Variants in BRCA2 observed in about 807,000 individuals in gnomAD.
BRCA2 encodes the protein breast cancer type 2 susceptibility protein.
BRCA2 carries 203 observed loss-of-function variants against 276.7 expected under a neutral mutation model. That is an observed-to-expected ratio of 0.73 (90% CI 0.65 to 0.82). The LOEUF (loss-of-function observed/expected upper bound fraction) is 0.82. BRCA2 is among the 40% of genes least tolerant of loss of function. The pLI, the probability that BRCA2 is intolerant of heterozygous loss-of-function variation, is 0.00. For missense variants in BRCA2, 3,920 were observed against 3,915.0 expected (o/e 1.00, Z -0.03); for synonymous variants, 1,289 against 1,338.4 (o/e 0.96, Z 0.81).
chr13:32,339,657 CTT>C lies in BRCA2; in HGVS notation c.5303_5304del (p.Leu1768ArgfsTer5), dbSNP rs80359505. 21 of 1,612,384 alleles carry C rather than the reference CTT, an allele frequency of 1.3e-5. No individual in the cohort carries two copies. Among genetic ancestry groups the C allele is most frequent in the Admixed American group, 8.3e-5 (5 of 59,928 alleles). ...TTCAGGATATCTCTCAAAAAATAAA[CTT>C]GATTCTGGTATTGAGCCAGTATTGA... ...NDSGYLSKNKLDSGIEPVLKN... is the reference protein window; with the variant it reads ...NDSGYLSKNKXDSGIEPVLKN... On this transcript the variant is annotated frameshift_variant, in exon 11 of 27. Coordinates refer to ENST00000380152, the MANE Select transcript of BRCA2 (RefSeq NM_000059.4). LOFTEE classifies it high-confidence loss of function.
intron 13 of BRCA2, among the ~76,000 whole-genome samples, chr13:32,354,595 T>G (rs967920772): frequency 2.0e-5 from 3 of 151,426 alleles, no homozygotes; most frequent in African/African-American, 7.3e-5. Context: ...AGGTAAGGAG[T>G]ACTATGATGG....
In BRCA2 at chr13:32,337,946, A is replaced by C; in HGVS notation, c.3591A>C (p.Lys1197Asn). The C allele has an allele frequency of 6.2e-7, 1 of 1,614,094 alleles. No individual in the cohort carries two copies. The highest frequency in any genetic ancestry group is 8.5e-7 in the Non-Finnish European group (1 of 1,179,960). ...AACGGAAGTTTGCTGGCCTGTTGAA[A>C]AATGACTGTAACAAAAGTGCTTCTG... ...EIKRKFAGLL[K>N]NDCNKSASGY... Residue 1197 changes from lysine to asparagine, a missense_variant, in exon 11 of 27, where the codon AAA (lysine) becomes AAC (asparagine). Physicochemically the swap from Lys to Asn is moderately conservative, Grantham distance 94. Coordinates refer to ENST00000380152, the MANE Select transcript of BRCA2 (RefSeq NM_000059.4).
In BRCA2 at chr13:32,344,662, A is replaced by C. The variant is rs561277613; in HGVS notation, c.6937+9A>C. 6.5e-7 allele frequency: 1 copy of C among 1,529,486 alleles called. No individual in the cohort carries two copies. 94.7% of individuals were successfully genotyped at this position (1,529,486 alleles called of 1,614,324 possible). On this transcript the variant is annotated intron_variant, in intron 12 of 26. Transcript: ENST00000380152. ...AAAAAGCACTCCAGATGGTAAAATT[A>C]GCTTTTTATTTATATCTGTTCTCCC...
chr13:32,330,856 G>C, intron 8 of BRCA2, 63 bp from the exon 9 acceptor site: 1 of 955,112 alleles, frequency 1.0e-6, no homozygotes, highest in African/African-American at 1.6e-5. Context: ...GATAAGGGGG[G>C]ACTACTACTA....
intron 24 of BRCA2, among the ~76,000 whole-genome samples, chr13:32,392,852 T>C (rs1256320703): frequency 6.6e-6 from 1 of 152,170 alleles, no homozygotes; most frequent in Non-Finnish European, 1.5e-5. Context: ...CCAAATTGCA[T>C]TTAGTCATTT....
At chr13:32,331,109 C>T (rs1288900940) in intron 9 of BRCA2, 79 bp downstream of exon 9, 7 of 994,300 alleles carry the variant, frequency 7.0e-6, no homozygotes, top group Non-Finnish European at 9.3e-6. Context: ...TGGAGTCTTG[C>T]TCTGTCACCC....
chr13:32,323,198 G>T (rs2072318686), intron 3 of BRCA2, among the ~76,000 whole-genome samples: 2 of 149,916 alleles, frequency 1.3e-5, no homozygotes, highest in Admixed American at 1.3e-4. Flanking sequence ...TGTCGCCCAG[G>T]CTGGAGTGCA....
chr13:32,390,339 C>T (rs1355795428), intron 24 of BRCA2, among the ~76,000 whole-genome samples: 1 of 152,088 alleles, frequency 6.6e-6, no homozygotes, highest in Non-Finnish European at 1.5e-5. Context: ...TGCTTGTAAT[C>T]CCAGGACTTT....
chr13:32,397,198 A>G (rs1370453392), intron 26 of BRCA2, among the ~76,000 whole-genome samples, 154 bp downstream of exon 26: 1 of 152,216 alleles, frequency 6.6e-6, no homozygotes, highest in African/African-American at 2.4e-5. Flanking sequence ...TTATTTAGAA[A>G]TTTTATTTAT....
At position 32,383,682 on chromosome 13, in the gene BRCA2, G is replaced by A. The variant is rs7337574; in HGVS notation, c.9256+3537G>A. On this transcript the variant is annotated intron_variant, in intron 24 of 26. Coordinates refer to ENST00000380152, the MANE Select transcript of BRCA2 (RefSeq NM_000059.4). ...TTAAATAATTGACCTTGGACACAAT[G>A]CAGAGCAAAGAAGAGACATTAGAAG... 0.22 allele frequency among the ~76,000 whole-genome samples: 32,925 copies of A among 152,000 alleles called. 3,690 individuals carry two copies. The highest frequency in any genetic ancestry group is 0.39 in the East Asian group (2,031 of 5,156).
At chr13:32,331,189 G>A (rs1191518075) in intron 9 of BRCA2, among the ~76,000 whole-genome samples, 159 bp downstream of exon 9, 5 of 151,838 alleles carry the variant, frequency 3.3e-5, no homozygotes, top group African/African-American at 1.2e-4. Context: ...CCAAGTAGCT[G>A]AGATTACAAG....
Position 32,336,448 on chromosome 13 carries a change from T to C in BRCA2, c.2093T>C (p.Leu698Pro). The C allele has an allele frequency of 6.2e-7, 1 of 1,613,910 alleles. No homozygotes were observed. The highest frequency in any genetic ancestry group is 8.5e-7 in the Non-Finnish European group (1 of 1,179,896). ...GAAGCAAAATGTAATAAGGAAAAACTACAGTTATTTATTACCCCAGAAGCT... is the reference window on the plus strand; with the variant it reads ...GAAGCAAAATGTAATAAGGAAAAACCACAGTTATTTATTACCCCAGAAGCT... ...YKEAKCNKEK[L>P]QLFITPEADS... Residue 698 changes from leucine (L) to proline (P), a missense_variant, in exon 11 of 27, where the codon CTA (leucine) becomes CCA (proline). This residue lies in a region of BRCA2 where 3,263 missense variants were observed against 3,156.9 expected (regional missense o/e 1.03). Coordinates refer to ENST00000380152, the MANE Select transcript of BRCA2 (RefSeq NM_000059.4).
chr13:32,376,564 C>T (rs879207588), intron 20 of BRCA2, 106 bp from the exon 21 acceptor site: 1 of 1,218,640 alleles, frequency 8.2e-7, no homozygotes. Flanking sequence ...TATATAGTTT[C>T]TTATCTTTAA....
At chr13:32,341,235 A>AT (rs1051226454) in intron 11 of BRCA2, 39 bp downstream of exon 11, 1 of 1,612,798 alleles carries the variant, frequency 6.2e-7, no homozygotes, top group Non-Finnish European at 8.5e-7. Context: ...GCCAATCACT[A>AT]TTTTTAAAGT....
chr13:32,343,131 G>A (rs1309194457), intron 11 of BRCA2, among the ~76,000 whole-genome samples: 1 of 151,950 alleles, frequency 6.6e-6, no homozygotes, highest in East Asian at 1.9e-4. Flanking sequence ...TGACCAAAAT[G>A]TCATTATGTG....
In BRCA2 at chr13:32,394,850, G is replaced by C. The variant is rs786203511; in HGVS notation, c.9418G>C (p.Ala3140Pro). Residue 3140 changes from alanine to proline, a missense_variant, in exon 25 of 27, where the codon GCT becomes CCT. Transcript: ENST00000380152. ...CAAATCAGGCCTTCTTACTTTATTTGCTGGAGATTTTTCTGTGTTTTCTGC... is the reference window on the plus strand; with the variant it reads ...CAAATCAGGCCTTCTTACTTTATTTCCTGGAGATTTTTCTGTGTTTTCTGC... ...ESKSGLLTLF[A>P]GDFSVFSASP... 6.2e-7 allele frequency: 1 copy of C among 1,614,070 alleles called. No homozygotes were observed. The highest frequency in any genetic ancestry group is 8.5e-7 in the Non-Finnish European group (1 of 1,179,980).
At position 32,379,495 on chromosome 13, in the gene BRCA2, C is replaced by A. The variant is rs80359144; in HGVS notation, c.8933C>A (p.Ser2978Ter). 1.2e-6 allele frequency: 2 copies of A among 1,609,704 alleles called. No homozygotes were observed. The highest frequency in any genetic ancestry group is 1.7e-6 in the Non-Finnish European group (2 of 1,178,944). Residue 2978 changes from serine to a stop codon, truncating the protein, a stop_gained, in exon 22 of 27, where the codon TCA becomes TAA. Coordinates refer to ENST00000380152, the MANE Select transcript of BRCA2 (RefSeq NM_000059.4). LOFTEE classifies it high-confidence loss of function. ...TGGAAGTTGCGTATTGTAAGCTATT[C>A]AAAAAAAGAAAAAGATTCAGGTAAG... is the stretch of plus-strand genomic sequence containing the variant. ...TVWKLRIVSYSKKEKDSVILS... is the reference protein window; with the variant it reads ...TVWKLRIVSY
chr13:32,340,570 C>G lies in BRCA2; in HGVS notation c.6215C>G (p.Ser2072Cys), dbSNP rs80358862. The G allele has an allele frequency of 4.2e-5, 68 of 1,611,920 alleles. No individual in the cohort carries two copies. Among genetic ancestry groups the G allele is most frequent in the Non-Finnish European group, 5.2e-5 (61 of 1,178,986 alleles). The stretch of plus-strand genomic sequence containing the variant: ...AAGCAAGTTTCCATTTTAGAAAGTT[C>G]CTTACACAAAGTTAAGGGAGTGTTA... ...SGKQVSILES[S>C]LHKVKGVLEE... Residue 2072 changes from serine (S) to cysteine (C), a missense_variant, in exon 11 of 27, where the codon TCC becomes TGC. Physicochemically the swap from Ser to Cys is moderately radical, Grantham distance 112. Coordinates refer to ENST00000380152, the MANE Select transcript of BRCA2 (RefSeq NM_000059.4).
rs750805758 is a variant in BRCA2, at chr13:32,326,267, A to C, written c.501A>C (p.Thr167=). 1.2e-6 allele frequency: 2 copies of C among 1,613,482 alleles called. No individual in the cohort carries two copies. Among genetic ancestry groups the C allele is most frequent in the South Asian group, 2.2e-5 (2 of 91,064 alleles). The change falls in exon 6 of 27, where the codon ACA becomes ACC. Residue 167 remains threonine, a synonymous_variant. Coordinates refer to ENST00000380152, the MANE Select transcript of BRCA2 (RefSeq NM_000059.4). ...TGGTATGTGGGAGTTTGTTTCATAC[A>C]CCAAAGTTTGTGAAGGTAAATATTC... ...KSVVCGSLFH[T]PKFVKGRQTP...
Sources: gnomAD v4.1 joint callset for allele counts (sites outside exome capture counted in the v4.1 genomes callset) on GRCh38, gnomAD v4.1.1 for gene constraint, gnomAD v4.1.1 regional missense constraint, MANE v1.5 for transcripts, NCBI Gene and HGNC (gene_info 2026-07-23, HGNC 2026-07-21) for gene names.